DPP9: variants seen among roughly 807,000 people sequenced by gnomAD.
The protein encoded by DPP9 is dipeptidyl peptidase IV-related protein-2.
In DPP9, 50 loss-of-function variants were observed where a neutral mutation model predicts 110.7. The ratio of observed to expected loss-of-function variants is 0.45; its 90% CI spans 0.36 to 0.57. DPP9 has a LOEUF of 0.57. DPP9 is among the 20% of genes least tolerant of loss of function. The pLI, the probability that DPP9 is intolerant of heterozygous loss-of-function variation, is 0.00. For missense variants in DPP9, 1,022 were observed against 1,217.9 expected, an observed-to-expected ratio of 0.84 and a Z score of 2.39; for synonymous variants, 561 against 514.4, an observed-to-expected ratio of 1.09 and a Z score of -1.23.
intron 14 of DPP9, among the ~76,000 whole-genome samples, chr19:4,690,345 A>C (rs926605672): frequency 1.3e-5 from 2 of 152,208 alleles, no homozygotes; most frequent in African/African-American, 4.8e-5. Flanking sequence ...CAGAGCCCCG[A>C]GGGAGGAGAG....
intron 8 of DPP9, 146 bp downstream of exon 8, chr19:4,702,457 G>T: frequency 2.8e-6 from 2 of 725,384 alleles, no homozygotes; most frequent in Admixed American, 2.6e-5. Flanking sequence ...GATGTCTACA[G>T]TCGTTAAGGA....
At chr19:4,683,445 C>T (rs747749255) in intron 19 of DPP9, 32 bp downstream of exon 19, 14 of 1,611,020 alleles carry the variant, frequency 8.7e-6, no homozygotes, top group African/African-American at 5.3e-5. Flanking sequence ...CAGGGAGGGG[C>T]GTGGCTGAGG....
At position 4,684,920 on chromosome 19, in the gene DPP9, A is replaced by G. The variant is rs1020333704; in HGVS notation, c.2032-111T>C. On this transcript the variant is annotated intron_variant, in intron 17 of 21. Coordinates refer to ENST00000262960, the MANE Select transcript of DPP9 (RefSeq NM_139159.5). This position sits in a 1 kb window ranked among gnomAD's most constrained non-coding sequence, Gnocchi z 4.8. ...GGGCCGGGCTGGGGCCTCAGAGCCTAATGAAAGCACCTGTGCCCCGGAGGC... is the reference window on the plus strand; with the variant it reads ...GGGCCGGGCTGGGGCCTCAGAGCCTGATGAAAGCACCTGTGCCCCGGAGGC... 2 of 1,396,342 alleles carry G rather than the reference A, an allele frequency of 1.4e-6. No individual in the cohort carries two copies. Among genetic ancestry groups the G allele is most frequent in the Non-Finnish European group, 2.0e-6 (2 of 1,013,548 alleles). 86.5% of individuals were successfully genotyped at this position (1,396,342 alleles called of 1,614,324 possible).
At chr19:4,706,193 A>G (rs1303372886) in intron 4 of DPP9, among the ~76,000 whole-genome samples, 1 of 151,960 alleles carries the variant, frequency 6.6e-6, no homozygotes, top group African/African-American at 2.4e-5. Flanking sequence ...GGCCTGAATT[A>G]CCGAAGAAAC....
chr19:4,720,016 G>GT, intron 2 of DPP9, 75 bp from the exon 3 acceptor site: 2 of 1,030,686 alleles, frequency 1.9e-6, no homozygotes, highest in South Asian at 1.4e-5. Flanking sequence ...TGCCCCCTTC[G>GT]CCCCCTCCTC....
Position 4,700,377 on chromosome 19 carries a change from G to T in DPP9, c.1013-100C>A. On this transcript the variant is annotated intron_variant, in intron 9 of 21. Transcript: ENST00000262960. The surrounding 1 kb of genome is among the most constrained non-coding windows in gnomAD (Gnocchi z 4.3). ...GGCTGTGGGGTGACGTCCACAGAGA[G>T]GTGTACAATTGGAGTGGGGGAGGCA... 1.1e-6 allele frequency: 1 copy of T among 933,478 alleles called. No individual in the cohort carries two copies. Among genetic ancestry groups the T allele is most frequent in the Non-Finnish European group, 1.6e-6 (1 of 640,074 alleles). The allele number at this position is 933,478 out of a possible 1,614,324, so 57.8% of individuals were successfully genotyped here.
chr19:4,715,266 G>A (rs760528205), intron 3 of DPP9, among the ~76,000 whole-genome samples: 1 of 151,954 alleles, frequency 6.6e-6, no homozygotes, highest in Non-Finnish European at 1.5e-5. Context: ...CAAGTGATCC[G>A]CCTCCCTCAG....
Position 4,695,181 on chromosome 19 carries a change from C to T in DPP9, c.1353+197G>A. ...AGAAAAAAATAGATGAGGGGAGAGG[C>T]TCCAATGGCTGCCAGACTCACCAAC... On this transcript the variant is annotated intron_variant, in intron 12 of 21. Coordinates refer to ENST00000262960, the MANE Select transcript of DPP9 (RefSeq NM_139159.5). The surrounding 1 kb of genome is among the most constrained non-coding windows in gnomAD (Gnocchi z 4.7). 3.3e-6 allele frequency: 2 copies of T among 598,076 alleles called. No individual in the cohort carries two copies. The highest frequency in any genetic ancestry group is 4.5e-5 in the South Asian group (2 of 44,892). 37.0% of individuals were successfully genotyped at this position (598,076 alleles called of 1,614,324 possible).
At position 4,703,748 on chromosome 19, in the gene DPP9, T is replaced by C. The variant is rs924315703; in HGVS notation, c.769+138A>G. ...CGCCAGGACCTCCCGGGAGACATGG[T>C]AGGCTACAGAAGGTATGCACGGGAG... On this transcript the variant is annotated intron_variant, in intron 7 of 21. Coordinates refer to ENST00000262960, the MANE Select transcript of DPP9 (RefSeq NM_139159.5). 4.8e-6 allele frequency: 4 copies of C among 827,016 alleles called. No individual in the cohort carries two copies. The African/African-American group carries it at 6.9e-5, about 14-fold the overall frequency. The allele number at this position is 827,016 out of a possible 1,614,324, so 51.2% of individuals were successfully genotyped here.
chr19:4,702,225 C>G, intron 8 of DPP9, 70 bp from the exon 9 acceptor site: 1 of 1,529,594 alleles, frequency 6.5e-7, no homozygotes, highest in Non-Finnish European at 8.8e-7. Flanking sequence ...CACCCCCCGC[C>G]CCCTGCAGCA....
chr19:4,706,204 A>G (rs953182043), intron 4 of DPP9, among the ~76,000 whole-genome samples: 2 of 152,038 alleles, frequency 1.3e-5, no homozygotes, highest in Admixed American at 1.3e-4. Flanking sequence ...CCGAAGAAAC[A>G]GCACACAAGA....
intron 4 of DPP9, among the ~76,000 whole-genome samples, chr19:4,707,431 G>A (rs185897658): frequency 2.3e-3 from 347 of 152,090 alleles, no homozygotes; most frequent in Non-Finnish European, 4.2e-3. Context: ...CTGAAAAACC[G>A]GGACAGGGCT....
chr19:4,717,394 G>A (rs1487386425), intron 3 of DPP9, among the ~76,000 whole-genome samples: 1 of 152,166 alleles, frequency 6.6e-6, no homozygotes, highest in African/African-American at 2.4e-5. Flanking sequence ...AGCACTGCTG[G>A]CAGCAAGCCC....
At chr19:4,716,530 G>A (rs145035644) in intron 3 of DPP9, among the ~76,000 whole-genome samples, 7,169 of 152,102 alleles carry the variant, frequency 0.047, 252 homozygotes, top group Admixed American at 0.098. Context: ...CCAGCTACTC[G>A]GGAGGCTGAG....
Position 4,715,019 on chromosome 19 carries a change from CTTTTTTTTTT to C in DPP9, c.57-692_57-683del, listed in dbSNP as rs59314200. Reference sequence around the variant, plus strand: ...TTTGATATATGTTTATATATATATACTTTTTTTTTTTTTTTTTTTTTTTTTTGGAGACAGA... The same window carrying C: ...TTTGATATATGTTTATATATATATACTTTTTTTTTTTTTTTTGGAGACAGA... On this transcript the variant is annotated intron_variant, in intron 3 of 21. Transcript: ENST00000262960. 8.7e-5 allele frequency among the ~76,000 whole-genome samples: 6 copies of C among 68,616 alleles called. No homozygotes were observed. In the East Asian group the frequency reaches 1.6e-3, roughly 19 times the overall value. The allele number at this position is 68,616 out of a possible 152,430, so 45.0% of individuals were successfully genotyped here.
Position 4,695,270 on chromosome 19 carries a change from AG to A in DPP9, c.1353+107del. ...AGGCCTGAGCTCACTTCTCCACACAAGGGCAAACACCACCTGCCATTGGCGC... is the reference window on the plus strand; with the variant it reads ...AGGCCTGAGCTCACTTCTCCACACAAGGCAAACACCACCTGCCATTGGCGC... On this transcript the variant is annotated intron_variant, in intron 12 of 21. Coordinates refer to ENST00000262960, the MANE Select transcript of DPP9 (RefSeq NM_139159.5). The surrounding 1 kb of genome is among the most constrained non-coding windows in gnomAD (Gnocchi z 4.7). The A allele has an allele frequency of 7.9e-7, 1 of 1,259,090 alleles. No individual in the cohort carries two copies. Among genetic ancestry groups the A allele is most frequent in the South Asian group, 1.6e-5 (1 of 63,382 alleles). The allele number at this position is 1,259,090 out of a possible 1,614,324, so 78.0% of individuals were successfully genotyped here.
Position 4,695,207 on chromosome 19 carries a change from C to G in DPP9, c.1353+171G>C. The G allele has an allele frequency of 1.5e-6, 1 of 667,026 alleles. No homozygotes were observed. Among genetic ancestry groups the G allele is most frequent in the Non-Finnish European group, 2.4e-6 (1 of 410,290 alleles). The allele number at this position is 667,026 out of a possible 1,614,324, so 41.3% of individuals were successfully genotyped here. On this transcript the variant is annotated intron_variant, in intron 12 of 21. Coordinates refer to ENST00000262960, the MANE Select transcript of DPP9 (RefSeq NM_139159.5). This position sits in a 1 kb window ranked among gnomAD's most constrained non-coding sequence, Gnocchi z 4.7. ...TCCAATGGCTGCCAGACTCACCAAC[C>G]CCCCTAGACCCTCTTCCCTGCCAGC...
In DPP9 at chr19:4,683,388, C is replaced by T. The variant is rs572064115; in HGVS notation, c.2331+89G>A. 14 of 1,566,388 alleles carry T rather than the reference C, an allele frequency of 8.9e-6. No individual in the cohort carries two copies. In the African/African-American group the frequency reaches 9.4e-5, roughly 11 times the overall value. ...AGGCGCCTCCCCGGTAGGTGGGCTC[C>T]GGGTGGCGCGGGCGGTGGGCAAACG... On this transcript the variant is annotated intron_variant, in intron 19 of 21. Coordinates refer to ENST00000262960, the MANE Select transcript of DPP9 (RefSeq NM_139159.5).
intron 13 of DPP9, among the ~76,000 whole-genome samples, chr19:4,691,228 C>T (rs972617622): frequency 2.6e-5 from 4 of 152,256 alleles, no homozygotes; most frequent in Admixed American, 6.5e-5. Flanking sequence ...AATCCCAGCA[C>T]TTTGGGAGGC....
Sources: allele counts gnomAD v4.1 joint callset (sites outside exome capture counted in the v4.1 genomes callset), GRCh38; gene constraint gnomAD v4.1.1; non-coding constraint Gnocchi (gnomAD v3.1); transcripts MANE v1.5; gene names NCBI Gene and HGNC (gene_info 2026-07-23, HGNC 2026-07-21).